CTNNA2: variants seen among roughly 807,000 people sequenced by gnomAD.
The protein encoded by CTNNA2 is catenin alpha 2.
In CTNNA2, 42 loss-of-function variants were observed where a neutral mutation model predicts 101.0. That is an observed-to-expected ratio of 0.42 (90% CI 0.32 to 0.54). CTNNA2 has a LOEUF of 0.54. Among genes scored for constraint, CTNNA2 ranks in the 20% least tolerant of loss-of-function variants. The pLI, the probability that CTNNA2 is intolerant of heterozygous loss-of-function variation, is 0.14. For synonymous variants in CTNNA2, 450 were observed against 456.4 expected, an observed-to-expected ratio of 0.99 and a Z score of 0.18; for missense variants, 871 against 1,223.1, an observed-to-expected ratio of 0.71 and a Z score of 4.29.
intron 3 of CTNNA2, among the ~76,000 whole-genome samples, chr2:79,766,099 G>C (rs953223534): frequency 6.6e-6 from 1 of 152,104 alleles, no homozygotes; most frequent in Non-Finnish European, 1.5e-5. Context: ...GTGTTTCTTT[G>C]TGTACTTATT....
chr2:79,424,713 A>T (rs142262622), intron 4 of CTNNA2, among the ~76,000 whole-genome samples: 37 of 152,246 alleles, frequency 2.4e-4, no homozygotes, highest in African/African-American at 8.2e-4. Flanking sequence ...GACGATATCT[A>T]ACTACTACAA....
intron 9 of CTNNA2, among the ~76,000 whole-genome samples, chr2:80,533,221 T>G (rs1444772301): frequency 6.6e-6 from 1 of 152,196 alleles, no homozygotes; most frequent in African/African-American, 2.4e-5. Context: ...TGAAGGTGTT[T>G]GGAAGAGATC....
intron 4 of CTNNA2, among the ~76,000 whole-genome samples, chr2:79,470,402 T>A (rs1670985403): frequency 6.6e-6 from 1 of 152,038 alleles, no homozygotes; most frequent in South Asian, 2.1e-4. Context: ...AGCCCAGAGG[T>A]AATATGAAAC....
Position 79,260,393 on chromosome 2 carries a change from T to A in CTNNA2, c.-405-52316T>A, listed in dbSNP as rs1359803774. Among the ~76,000 whole-genome samples the A allele has an allele frequency of 3.9e-5, 6 of 152,286 alleles. 1 individual carries two copies. In the South Asian group the frequency reaches 1.2e-3, roughly 32 times the overall value. ...CAAAACAAATTCTTCTGGCTCTGTTTGCTAGATATGTCTCCTTACCTCAGG... is the reference window on the plus strand; with the variant it reads ...CAAAACAAATTCTTCTGGCTCTGTTAGCTAGATATGTCTCCTTACCTCAGG... On this transcript the variant is annotated intron_variant, in intron 2 of 21. Coordinates refer to the CTNNA2 transcript ENST00000466387.
At chr2:79,875,377 A>C (rs545732453) in intron 6 of CTNNA2, among the ~76,000 whole-genome samples, 34 of 152,336 alleles carry the variant, frequency 2.2e-4, no homozygotes, top group African/African-American at 8.2e-4. Flanking sequence ...ATAACCCTGC[A>C]GGGGAGATGA....
intron 7 of CTNNA2, among the ~76,000 whole-genome samples, chr2:79,912,587 A>G (rs1685886469): frequency 6.6e-6 from 1 of 152,236 alleles, no homozygotes; most frequent in Non-Finnish European, 1.5e-5. Flanking sequence ...GGTAGAAAGG[A>G]TGGTTGGAAT....
At chr2:80,250,179 G>A (rs1041985364) in intron 7 of CTNNA2, among the ~76,000 whole-genome samples, 105 of 113,318 alleles carry the variant, frequency 9.3e-4, no homozygotes, top group African/African-American at 3.7e-3. Context: ...TACATGGATG[G>A]GGGGAGAGAG....
chr2:80,612,806 A>C (rs1044415850), intron 17 of CTNNA2: 1 of 151,468 alleles, frequency 6.6e-6, no homozygotes, highest in Admixed American at 6.6e-5. Context: ...CCATGGATCA[A>C]AGTGTAACAG....
At chr2:80,321,504 T>A (rs1049665284) in intron 7 of CTNNA2, among the ~76,000 whole-genome samples, 1 of 152,242 alleles carries the variant, frequency 6.6e-6, no homozygotes, top group African/African-American at 2.4e-5. Flanking sequence ...TTGTCTTGAA[T>A]CTGTTATTTC....
intron 1 of CTNNA2, among the ~76,000 whole-genome samples, chr2:79,570,669 T>A (rs1411297147): frequency 1.3e-5 from 2 of 152,088 alleles, no homozygotes; most frequent in Non-Finnish European, 2.9e-5. Flanking sequence ...TACTTTAGAA[T>A]AACATTTAGC....
chr2:80,369,140 G>C (rs1463919045), intron 7 of CTNNA2, among the ~76,000 whole-genome samples: 1 of 152,010 alleles, frequency 6.6e-6, no homozygotes, highest in Non-Finnish European at 1.5e-5. Flanking sequence ...AGAGGAGTGA[G>C]AGGTGCCTGG....
At chr2:80,632,287 C>T (rs1672386410) in intron 18 of CTNNA2, among the ~76,000 whole-genome samples, 1 of 151,870 alleles carries the variant, frequency 6.6e-6, no homozygotes, top group Non-Finnish European at 1.5e-5. Flanking sequence ...AACACACACA[C>T]ACACACACAG....
intron 7 of CTNNA2, among the ~76,000 whole-genome samples, chr2:80,227,835 A>T (rs1035044996): frequency 6.6e-6 from 1 of 151,842 alleles, no homozygotes; most frequent in Admixed American, 6.6e-5. Flanking sequence ...ACAAAATTCG[A>T]AAAAAACAAA....
chr2:79,433,625 A>G (rs1036516232), intron 4 of CTNNA2, among the ~76,000 whole-genome samples: 1 of 16,118 alleles, frequency 6.2e-5, no homozygotes, highest in Non-Finnish European at 1.0e-4. Flanking sequence ...GCCTTTGAGG[A>G]AAAAAAAAAA....
intron 9 of CTNNA2, among the ~76,000 whole-genome samples, chr2:80,521,661 T>C (rs1408219947): frequency 6.6e-6 from 1 of 152,060 alleles, no homozygotes; most frequent in Non-Finnish European, 1.5e-5. Context: ...TAGGAGCCAA[T>C]GGGGGCAGCC....
intron 2 of CTNNA2, among the ~76,000 whole-genome samples, chr2:79,736,781 C>T (rs11682247): frequency 0.059 from 8,940 of 152,190 alleles, 370 homozygotes; most frequent in Non-Finnish European, 0.09. Context: ...TTCCCAAAAG[C>T]TTAGTACTCG....
intron 1 of CTNNA2, among the ~76,000 whole-genome samples, chr2:79,543,077 T>C (rs1012322799): frequency 6.6e-6 from 1 of 152,176 alleles, no homozygotes; most frequent in Non-Finnish European, 1.5e-5. Flanking sequence ...TCATAAACTT[T>C]AGCTTACAGT....
At chr2:79,868,476 T>G (rs2104013955) in intron 4 of CTNNA2, among the ~76,000 whole-genome samples, 1 of 152,380 alleles carries the variant, frequency 6.6e-6, no homozygotes, top group East Asian at 1.9e-4. Context: ...ATACGTATTC[T>G]CTTCCTTTGC....
intron 7 of CTNNA2, among the ~76,000 whole-genome samples, chr2:79,977,608 A>G (rs1223340663): frequency 1.3e-5 from 2 of 152,188 alleles, no homozygotes; most frequent in African/African-American, 4.8e-5. Context: ...CAGTTATTAC[A>G]TGCATAGTTT....
Sources: allele counts gnomAD v4.1 joint callset (sites outside exome capture counted in the v4.1 genomes callset), GRCh38; gene constraint gnomAD v4.1.1; transcripts MANE v1.5; gene names NCBI Gene and HGNC (gene_info 2026-07-23, HGNC 2026-07-21).